GGCX: variants seen among roughly 807,000 people sequenced by gnomAD.
GGCX encodes gamma-glutamyl carboxylase, also known as vitamin K-dependent gamma-carboxylase.
A neutral mutation model predicts 88.5 loss-of-function variants in GGCX; 63 were observed. That is an observed-to-expected ratio of 0.71 (90% CI 0.58 to 0.88). The LOEUF is 0.88. Among genes scored for constraint, GGCX ranks in the 40% least tolerant of loss-of-function variants. The pLI is 0.00. For synonymous variants in GGCX, 368 were observed against 365.8 expected (o/e 1.01, Z -0.07); for missense variants, 805 against 932.9 (o/e 0.86, Z 1.79).
In GGCX at chr2:85,545,189, AGGATCTATTTTT is replaced by A. The variant is rs1334790056; in HGVS notation, c.*4733_*4744del. On this transcript the variant is annotated 3_prime_UTR_variant, in exon 15 of 15. Transcript: ENST00000233838. ...TTGCCCTAAGCAGAAAGTGCCTTTC[AGGATCTATTTTT>A]GGAGGTTTATTACGTATGTCTGGTT... 6.6e-6 allele frequency: 1 copy of A among 152,634 alleles called. No homozygotes were observed. The allele number at this position is 152,634 out of a possible 1,614,324, so 9.5% of individuals were successfully genotyped here. A position where few individuals can be genotyped will look rare whatever the true frequency, so the allele number is the denominator to read the frequency against.
chr2:85,554,371 G>A (rs944109633), intron 6 of GGCX, 65 bp from the exon 7 acceptor site: 3 of 1,439,920 alleles, frequency 2.1e-6, no homozygotes, highest in Admixed American at 1.7e-5. Context: ...CACATTCACA[G>A]CACGAATGTG....
chr2:85,556,363 C>T, intron 4 of GGCX, 103 bp from the exon 5 acceptor site: 2 of 750,818 alleles, frequency 2.7e-6, no homozygotes, highest in Non-Finnish European at 4.8e-6. Flanking sequence ...GGGCACATCT[C>T]CCATATCCTC....
rs1691711176 is a variant in GGCX, at chr2:85,547,182, CTT to C, written c.*2750_*2751del. On this transcript the variant is annotated 3_prime_UTR_variant, in exon 15 of 15. Coordinates refer to ENST00000233838, the MANE Select transcript of GGCX (RefSeq NM_000821.7). ...TAGTTTAGAAAGCATGAAAGTATGA[CTT>C]AAGGAAATGTCTTTAGGTTGAACAT... The C allele has an allele frequency of 6.6e-6, 1 of 152,170 alleles. No individual in the cohort carries two copies. Among genetic ancestry groups the C allele is most frequent in the South Asian group, 2.1e-4 (1 of 4,836 alleles). The allele number at this position is 152,170 out of a possible 1,614,324, so 9.4% of individuals were successfully genotyped here. A position where few individuals can be genotyped will look rare whatever the true frequency, so the allele number is the denominator to read the frequency against.
At chr2:85,560,288 TATC>T (rs1692374437) in intron 2 of GGCX, among the ~76,000 whole-genome samples, 1 of 152,044 alleles carries the variant, frequency 6.6e-6, no homozygotes, top group Non-Finnish European at 1.5e-5. Flanking sequence ...CGCCTCTACA[TATC>T]ATATAGCATT....
At position 85,548,702 on chromosome 2, in the gene GGCX, C is replaced by G. The variant is rs1266229609; in HGVS notation, c.*1232G>C. On this transcript the variant is annotated 3_prime_UTR_variant, in exon 15 of 15. Transcript: ENST00000233838. ...AAAGCAGGGATCCTTTTTCATAACC[C>G]TGCATTCTCGCTTCCTAGCTCAGTG... 1 of 152,176 alleles carries G rather than the reference C, an allele frequency of 6.6e-6. No individual in the cohort carries two copies. Among genetic ancestry groups the G allele is most frequent in the Admixed American group, 6.5e-5 (1 of 15,284 alleles). The allele number at this position is 152,176 out of a possible 1,614,324, so 9.4% of individuals were successfully genotyped here. A position where few individuals can be genotyped will look rare whatever the true frequency, so the allele number is the denominator to read the frequency against.
At chr2:85,552,079 T>C (rs1558806481) in intron 10 of GGCX, 98 bp from the exon 11 acceptor site, 1 of 942,984 alleles carries the variant, frequency 1.1e-6, no homozygotes, top group African/African-American at 1.6e-5. Flanking sequence ...GGACAGGGAA[T>C]AGAAGAAGAA....
chr2:85,550,083 G>T lies in GGCX; in HGVS notation c.2128C>A (p.Arg710Ser). The change falls in exon 15 of 15, where the codon CGT becomes AGT. Residue 710 changes from arginine to serine, a missense_variant. By Grantham distance (110) the Arg-to-Ser change is moderately radical. This residue lies in a region of GGCX where 680 missense variants were observed against 763.7 expected (regional missense o/e 0.89). Transcript: ENST00000233838. ...CISLRNLILG[R>S]PSLEQLAQEV... Reference sequence around the variant, plus strand: ...TGGGCCAGCTGCTCCAGGGAAGGACGGCCTAATATCAGATTTCGAAGTGAG... The same window carrying T: ...TGGGCCAGCTGCTCCAGGGAAGGACTGCCTAATATCAGATTTCGAAGTGAG... The T allele has an allele frequency of 1.2e-6, 2 of 1,613,590 alleles. No homozygotes were observed. The highest frequency in any genetic ancestry group is 1.7e-6 in the Non-Finnish European group (2 of 1,179,604).
chr2:85,547,201 G>A lies in GGCX; in HGVS notation c.*2733C>T, dbSNP rs1474758957. ...GTATGACTTAAGGAAATGTCTTTAG[G>A]TTGAACATTCTGTATATAACCTGCC... On this transcript the variant is annotated 3_prime_UTR_variant, in exon 15 of 15. Coordinates refer to ENST00000233838, the MANE Select transcript of GGCX (RefSeq NM_000821.7). 1 of 152,190 alleles carries A rather than the reference G, an allele frequency of 6.6e-6. No homozygotes were observed. Among genetic ancestry groups the A allele is most frequent in the Non-Finnish European group, 1.5e-5 (1 of 68,036 alleles). 9.4% of individuals were successfully genotyped at this position (152,190 alleles called of 1,614,324 possible).
At position 85,549,909 on chromosome 2, in the gene GGCX, A is replaced by G. The variant is rs765806745; in HGVS notation, c.*25T>C. ...TGGGTCTGTGACTGGCTGCTTCTAC[A>G]TCTGCACCCAACATCTGGCCCCCTT... is the stretch of plus-strand genomic sequence containing the variant. On this transcript the variant is annotated 3_prime_UTR_variant, in exon 15 of 15. Coordinates refer to ENST00000233838, the MANE Select transcript of GGCX (RefSeq NM_000821.7). The G allele has an allele frequency of 3.6e-5, 55 of 1,533,200 alleles. No individual in the cohort carries two copies. The highest frequency in any genetic ancestry group is 4.5e-5 in the Non-Finnish European group (50 of 1,108,150). 95.0% of individuals were successfully genotyped at this position (1,533,200 alleles called of 1,614,324 possible).
At chr2:85,552,702 A>G in intron 9 of GGCX, 135 bp from the exon 10 acceptor site, 2 of 1,046,426 alleles carry the variant, frequency 1.9e-6, no homozygotes, top group South Asian at 2.5e-5. Context: ...GCCTTTGGGA[A>G]TGAATTTTTC....
intron 4 of GGCX, among the ~76,000 whole-genome samples, chr2:85,558,087 G>A (rs1258734545): frequency 2.0e-5 from 3 of 152,202 alleles, no homozygotes; most frequent in Non-Finnish European, 4.4e-5. Flanking sequence ...GACTCACACA[G>A]AGAAAGTCTG....
Position 85,558,962 on chromosome 2 carries a change from G to GT in GGCX, c.327dup (p.Leu110ThrfsTer4). The GT allele has an allele frequency of 6.2e-7, 1 of 1,613,908 alleles. No homozygotes were observed. The highest frequency in any genetic ancestry group is 1.1e-5 in the South Asian group (1 of 91,060). ...ACAAGATACATCCAGTCAAGTGGCA[G>GT]TGGGCGTAGGGCATCCAGCAAGGGG... is the stretch of plus-strand genomic sequence containing the variant. On this transcript the variant is annotated frameshift_variant, in exon 3 of 15. Transcript: ENST00000233838. LOFTEE classifies it high-confidence loss of function.
chr2:85,561,359 C>A (rs776789636), intron 1 of GGCX, 27 bp downstream of exon 1: 1 of 1,516,350 alleles, frequency 6.6e-7, no homozygotes, highest in South Asian at 1.2e-5. Flanking sequence ...AGGAACTCTC[C>A]GCCGGAGGGC....
chr2:85,554,049 C>T (rs1052516287), intron 7 of GGCX, 94 bp downstream of exon 7: 16 of 1,008,034 alleles, frequency 1.6e-5, no homozygotes, highest in South Asian at 2.6e-5. Flanking sequence ...AGCTCCTGCT[C>T]ACACCACCCT....
Position 85,556,247 on chromosome 2 carries a change from G to A in GGCX, c.553C>T (p.Leu185=), listed in dbSNP as rs1379344846. The A allele has an allele frequency of 6.2e-7, 1 of 1,610,158 alleles. No homozygotes were observed. Among genetic ancestry groups the A allele is most frequent in the Non-Finnish European group, 8.5e-7 (1 of 1,176,652 alleles). ...DANHYWSVDG[L]LNAHRRNAHV... ...GCATTCCTCCTATGGGCATTCAGCA[G>A]ACCGTCCACAGACCTACACCGAGGG... The change falls in exon 5 of 15, where the codon CTG becomes TTG. Residue 185 remains leucine, a synonymous_variant. Coordinates refer to ENST00000233838, the MANE Select transcript of GGCX (RefSeq NM_000821.7).
intron 3 of GGCX, 120 bp from the exon 4 acceptor site, chr2:85,558,725 T>C (rs919418172): frequency 2.2e-6 from 2 of 917,132 alleles, no homozygotes. Context: ...TAAAACTAAA[T>C]GAAAATTAAA....
intron 3 of GGCX, 149 bp from the exon 4 acceptor site, chr2:85,558,754 A>G (rs1692311146): frequency 2.3e-6 from 2 of 878,328 alleles, no homozygotes; most frequent in African/African-American, 3.3e-5. Flanking sequence ...TAATATTTTA[A>G]AAAGAATTAT....
In GGCX at chr2:85,550,972, T is replaced by C. The variant is rs775384014; in HGVS notation, c.1841A>G (p.Asp614Gly). The change falls in exon 13 of 15, where the codon GAC becomes GGC. Residue 614 changes from aspartate (D) to glycine (G), a missense_variant. Physicochemically the swap from Asp to Gly is moderately conservative, Grantham distance 94. Around this residue, in one of 3 missense-constraint regions of GGCX, gnomAD observed 680 missense variants for 763.7 expected, o/e 0.89. Transcript: ENST00000233838. ...VNTTELALEQ[D>G]LAYLQELKEK... Reference sequence around the variant, plus strand: ...CTTTAATTCTTGCAGATATGCCAGGTCTTGCTCCAGTGCAAGCTCTGTAGT... The same window carrying C: ...CTTTAATTCTTGCAGATATGCCAGGCCTTGCTCCAGTGCAAGCTCTGTAGT... 1.9e-6 allele frequency: 3 copies of C among 1,614,028 alleles called. No individual in the cohort carries two copies. The East Asian group carries it at 6.7e-5, about 36-fold the overall frequency.
chr2:85,552,084 G>GCT, intron 10 of GGCX, 103 bp from the exon 11 acceptor site: 2 of 906,276 alleles, frequency 2.2e-6, no homozygotes, highest in Non-Finnish European at 1.8e-6. Context: ...GGGAATAGAA[G>GCT]AAGAAATGGC....
Sources: allele counts gnomAD v4.1 joint callset (sites outside exome capture counted in the v4.1 genomes callset), GRCh38; gene constraint gnomAD v4.1.1; regional missense constraint gnomAD v4.1.1; transcripts MANE v1.5; gene names NCBI Gene and HGNC (gene_info 2026-07-23, HGNC 2026-07-21).